The following SLC24A3 variants were observed in gnomAD, a reference collection of about 807,000 sequenced individuals.
SLC24A3 encodes the protein solute carrier family 24 member 3.
A neutral mutation model predicts 75.8 loss-of-function variants in SLC24A3; 28 were observed. The observed-to-expected ratio is 0.37, with a 90% CI of 0.27 to 0.51. The LOEUF (loss-of-function observed/expected upper bound fraction) is 0.51, where lower values mean the gene tolerates loss of function less well. Ranked by LOEUF, SLC24A3 falls within the 20% of genes least tolerant of loss-of-function variation. SLC24A3 has a pLI of 0.94. For missense variants in SLC24A3, 663 were observed against 847.8 expected (o/e 0.78, Z 2.71); for synonymous variants, 372 against 334.1 (o/e 1.11, Z -1.24).
intron 1 of SLC24A3, among the ~76,000 whole-genome samples, chr20:19,259,837 C>G (rs542193408): frequency 1.3e-5 from 2 of 152,288 alleles, no homozygotes; most frequent in South Asian, 4.1e-4. Context: ...ATAGTTTTTT[C>G]CCCCTGTGCT....
At chr20:19,284,339 T>G (rs756305947) in intron 2 of SLC24A3, 5 of 152,658 alleles carry the variant, frequency 3.3e-5, no homozygotes, top group Non-Finnish European at 7.3e-5. Flanking sequence ...TCTAAAACTT[T>G]GTTCAGTTTT....
At chr20:19,526,697 C>T (rs2030204783) in intron 3 of SLC24A3, among the ~76,000 whole-genome samples, 1 of 152,206 alleles carries the variant, frequency 6.6e-6, no homozygotes. Context: ...AGTGGGTTTT[C>T]AGAGTTAGAC....
chr20:19,698,528 G>A, intron 14 of SLC24A3, 40 bp from the exon 15 acceptor site: 1 of 1,516,126 alleles, frequency 6.6e-7, no homozygotes, highest in Non-Finnish European at 9.0e-7. Context: ...GGGGCCCCTG[G>A]GTTCCCTTCC....
At chr20:19,404,563 C>A in intron 2 of SLC24A3, among the ~76,000 whole-genome samples, 1 of 152,324 alleles carries the variant, frequency 6.6e-6, no homozygotes, top group South Asian at 2.1e-4. Flanking sequence ...CAGCCTTTCT[C>A]CTTCTGTATT....
intron 2 of SLC24A3, among the ~76,000 whole-genome samples, chr20:19,479,405 T>G (rs1320356535): frequency 6.6e-6 from 1 of 152,230 alleles, no homozygotes; most frequent in Non-Finnish European, 1.5e-5. Context: ...CTCCTTGAAG[T>G]GTTTCATACA....
At chr20:19,697,031 G>C in intron 14 of SLC24A3, 120 bp downstream of exon 14, 2 of 535,894 alleles carry the variant, frequency 3.7e-6, no homozygotes, top group East Asian at 3.3e-5. Context: ...AGGGAGAAGA[G>C]AAGGAAAGAG....
intron 6 of SLC24A3, among the ~76,000 whole-genome samples, chr20:19,609,850 T>C (rs574400093): frequency 1.3e-5 from 2 of 152,320 alleles, no homozygotes; most frequent in East Asian, 3.9e-4. Flanking sequence ...AGAGTTTGGT[T>C]TGGAGCTGTG....
rs111909960 is a variant in SLC24A3, at chr20:19,562,938, G to A, written c.349-17062G>A. 4.7e-4 allele frequency among the ~76,000 whole-genome samples: 71 copies of A among 152,248 alleles called. No individual in the cohort carries two copies. In the Middle Eastern group the frequency reaches 0.01, roughly 22 times the overall value. Reference sequence around the variant, plus strand: ...CAGTTAAAGAAATGGTCCCAACCTGGGAATCTTACTATGGCTTTCAGCAGC... The same window carrying A: ...CAGTTAAAGAAATGGTCCCAACCTGAGAATCTTACTATGGCTTTCAGCAGC... On this transcript the variant is annotated intron_variant, in intron 3 of 16. Coordinates refer to ENST00000328041, the MANE Select transcript of SLC24A3 (RefSeq NM_020689.4).
chr20:19,464,560 G>T (rs1394344436), intron 2 of SLC24A3, among the ~76,000 whole-genome samples: 2 of 152,220 alleles, frequency 1.3e-5, no homozygotes, highest in Non-Finnish European at 2.9e-5. Flanking sequence ...TGAACTCTTC[G>T]TATTCTCACT....
intron 3 of SLC24A3, among the ~76,000 whole-genome samples, chr20:19,564,890 C>T (rs111459742): frequency 3.9e-5 from 6 of 152,220 alleles, no homozygotes; most frequent in African/African-American, 1.4e-4. Context: ...CTCACTGCAA[C>T]CTTTGCCTCC....
chr20:19,565,282 A>G (rs992213664), intron 3 of SLC24A3, among the ~76,000 whole-genome samples: 1 of 152,108 alleles, frequency 6.6e-6, no homozygotes, highest in African/African-American at 2.4e-5. Context: ...TCTATCCAGC[A>G]GCTCTGTGTG....
intron 2 of SLC24A3, among the ~76,000 whole-genome samples, chr20:19,428,180 G>A (rs1398754083): frequency 1.3e-5 from 2 of 152,190 alleles, no homozygotes; most frequent in African/African-American, 4.8e-5. Context: ...GTCTGGTTGT[G>A]GGTATTGCAG....
intron 2 of SLC24A3, among the ~76,000 whole-genome samples, chr20:19,407,239 T>C (rs1393438120): frequency 6.6e-6 from 1 of 151,956 alleles, no homozygotes; most frequent in Non-Finnish European, 1.5e-5. Flanking sequence ...ATTCTGGGAG[T>C]GTATTTGGCA....
At chr20:19,241,585 A>C (rs1982330388) in intron 1 of SLC24A3, among the ~76,000 whole-genome samples, 1 of 152,206 alleles carries the variant, frequency 6.6e-6, no homozygotes, top group Admixed American at 6.5e-5. Context: ...AGTACTTGTA[A>C]GTAGATTAAC....
chr20:19,451,119 A>C (rs1395966520), intron 2 of SLC24A3, among the ~76,000 whole-genome samples: 1 of 152,242 alleles, frequency 6.6e-6, no homozygotes, highest in Non-Finnish European at 1.5e-5. Flanking sequence ...TATGGAACTT[A>C]TGATTTATGT....
intron 6 of SLC24A3, among the ~76,000 whole-genome samples, chr20:19,613,306 T>A (rs970675261): frequency 1.3e-5 from 2 of 152,206 alleles, no homozygotes; most frequent in African/African-American, 4.8e-5. Context: ...ATCCTCAGTA[T>A]CTGAACAGTG....
At chr20:19,657,020 A>G (rs889200219) in intron 7 of SLC24A3, among the ~76,000 whole-genome samples, 1 of 152,192 alleles carries the variant, frequency 6.6e-6, no homozygotes, top group Non-Finnish European at 1.5e-5. Context: ...CTCAGGGTGC[A>G]GCATATAAAC....
intron 2 of SLC24A3, among the ~76,000 whole-genome samples, chr20:19,461,620 C>A (rs933245951): frequency 2.0e-5 from 3 of 151,054 alleles, no homozygotes; most frequent in Non-Finnish European, 2.9e-5. Flanking sequence ...GCAACCTCCA[C>A]CCCCTGGGCT....
At chr20:19,415,005 G>C (rs1201884620) in intron 2 of SLC24A3, among the ~76,000 whole-genome samples, 8 of 152,116 alleles carry the variant, frequency 5.3e-5, no homozygotes, top group African/African-American at 1.9e-4. Flanking sequence ...CTTATAGTAT[G>C]TATCTTTAGT....
Sources: allele counts gnomAD v4.1 joint callset (sites outside exome capture counted in the v4.1 genomes callset), GRCh38; gene constraint gnomAD v4.1.1; transcripts MANE v1.5; gene names NCBI Gene and HGNC (gene_info 2026-07-23, HGNC 2026-07-21).